The following PTGFRN variants were observed in gnomAD, a reference collection of about 807,000 sequenced individuals.
PTGFRN encodes prostaglandin F2 receptor negative regulator.
PTGFRN carries 35 observed loss-of-function variants against 83.2 expected under a neutral mutation model. The observed-to-expected ratio is 0.42, with a 90% CI of 0.32 to 0.56. PTGFRN has a LOEUF of 0.56. Ranked by LOEUF, PTGFRN falls within the 20% of genes least tolerant of loss-of-function variation. The pLI is 0.11. For missense variants in PTGFRN, 1,051 were observed against 1,179.5 expected, an observed-to-expected ratio of 0.89 and a Z score of 1.60; for synonymous variants, 519 against 498.6, an observed-to-expected ratio of 1.04 and a Z score of -0.55.
At chr1:116,955,270 G>A (rs999765499) in intron 4 of PTGFRN, among the ~76,000 whole-genome samples, 1 of 152,190 alleles carries the variant, frequency 6.6e-6, no homozygotes, top group African/African-American at 2.4e-5. Flanking sequence ...TTCTCAGAAC[G>A]TTAGTGATGC....
intron 1 of PTGFRN, among the ~76,000 whole-genome samples, chr1:116,912,476 G>C (rs1649297375): frequency 6.6e-6 from 1 of 152,142 alleles, no homozygotes; most frequent in South Asian, 2.1e-4. Flanking sequence ...TGGTATCGCT[G>C]CTCTTTTTGA....
chr1:116,938,811 G>A (rs1480985701), intron 1 of PTGFRN, among the ~76,000 whole-genome samples: 1 of 152,230 alleles, frequency 6.6e-6, no homozygotes, highest in Non-Finnish European at 1.5e-5. Context: ...AAAATAAAAA[G>A]TAGGTTAGTT....
At chr1:116,949,657 G>A in intron 4 of PTGFRN, 85 bp downstream of exon 4, 1 of 1,506,544 alleles carries the variant, frequency 6.6e-7, no homozygotes, top group African/African-American at 1.4e-5. Context: ...AGGAGGCTCT[G>A]CGCTTTGCAT....
chr1:116,926,304 G>C (rs939018161), intron 1 of PTGFRN, among the ~76,000 whole-genome samples: 1 of 152,234 alleles, frequency 6.6e-6, no homozygotes, highest in Non-Finnish European at 1.5e-5. Flanking sequence ...TGTTCACACA[G>C]AACTTGGCAG....
intron 4 of PTGFRN, among the ~76,000 whole-genome samples, chr1:116,957,968 ATAG>A (rs1247095340): frequency 6.6e-6 from 1 of 151,872 alleles, no homozygotes; most frequent in Non-Finnish European, 1.5e-5. Flanking sequence ...TTATGGCTGA[ATAG>A]TAGTCTATTG....
intron 1 of PTGFRN, among the ~76,000 whole-genome samples, chr1:116,931,804 G>A (rs1649810141): frequency 6.6e-6 from 1 of 152,066 alleles, no homozygotes; most frequent in African/African-American, 2.4e-5. Flanking sequence ...TTCATTTCTA[G>A]CTCATATGTG....
chr1:116,920,577 T>C (rs1649511776), intron 1 of PTGFRN, among the ~76,000 whole-genome samples: 1 of 152,172 alleles, frequency 6.6e-6, no homozygotes, highest in Non-Finnish European at 1.5e-5. Context: ...GTATAAATAT[T>C]GCTACTACTT....
At chr1:116,949,683 T>C in intron 4 of PTGFRN, 111 bp downstream of exon 4, 1 of 1,418,466 alleles carries the variant, frequency 7.0e-7, no homozygotes, top group Non-Finnish European at 9.4e-7. Context: ...CGACATTATT[T>C]CTATTGGTTC....
Position 116,942,093 on chromosome 1 carries a change from T to C in PTGFRN, c.418+10T>C. 6.3e-7 allele frequency: 1 copy of C among 1,597,886 alleles called. No individual in the cohort carries two copies. The highest frequency in any genetic ancestry group is 8.6e-7 in the Non-Finnish European group (1 of 1,168,930). ...ACAGTGCAGGTTAAAGGTACAGTCC[T>C]CACATGGGCTTGTTATGCCAGGGGC... is the stretch of plus-strand genomic sequence containing the variant. On this transcript the variant is annotated intron_variant, in intron 2 of 8. Coordinates refer to ENST00000393203, the MANE Select transcript of PTGFRN (RefSeq NM_020440.4).
chr1:116,940,144 G>A (rs1570654876), intron 1 of PTGFRN, among the ~76,000 whole-genome samples: 2 of 152,202 alleles, frequency 1.3e-5, no homozygotes, highest in South Asian at 4.1e-4. Flanking sequence ...TAGAGCTGCC[G>A]CAACAAAGTA....
Position 116,910,085 on chromosome 1 carries a change from C to T in PTGFRN, c.-119C>T, listed in dbSNP as rs965500357. ...TTATCGGCTCGCGAGGAGAGCGGAG[C>T]AGGCGCGCGGCCCAGGCGGAGGAGC... On this transcript the variant is annotated 5_prime_UTR_variant, in exon 1 of 9. Coordinates refer to ENST00000393203, the MANE Select transcript of PTGFRN (RefSeq NM_020440.4). 1.1e-5 allele frequency: 12 copies of T among 1,106,172 alleles called. No individual in the cohort carries two copies. Among genetic ancestry groups the T allele is most frequent in the South Asian group, 8.0e-5 (6 of 75,122 alleles). 68.5% of individuals were successfully genotyped at this position (1,106,172 alleles called of 1,614,324 possible).
chr1:116,939,090 C>T (rs1351072962), intron 1 of PTGFRN, among the ~76,000 whole-genome samples: 3 of 152,234 alleles, frequency 2.0e-5, no homozygotes, highest in African/African-American at 7.2e-5. Flanking sequence ...CTTTCACAGG[C>T]TGGCATTGAG....
At chr1:116,947,483 C>T (rs1650230995) in intron 3 of PTGFRN, among the ~76,000 whole-genome samples, 1 of 152,198 alleles carries the variant, frequency 6.6e-6, no homozygotes, top group Non-Finnish European at 1.5e-5. Context: ...ATGTGTGGGA[C>T]CTCTGGTTAG....
At chr1:116,934,980 C>T (rs1024279154) in intron 1 of PTGFRN, among the ~76,000 whole-genome samples, 3 of 152,182 alleles carry the variant, frequency 2.0e-5, no homozygotes, top group Non-Finnish European at 4.4e-5. Context: ...TGTTTACCAC[C>T]TTCCTTTGTG....
intron 1 of PTGFRN, among the ~76,000 whole-genome samples, chr1:116,937,531 A>G (rs1279752290): frequency 6.6e-6 from 1 of 152,186 alleles, no homozygotes; most frequent in South Asian, 2.1e-4. Context: ...TAAAGACTTG[A>G]TCAGTGAAGG....
chr1:116,966,735 G>A (rs954084627), intron 5 of PTGFRN, among the ~76,000 whole-genome samples, 176 bp from the exon 6 acceptor site: 3 of 152,202 alleles, frequency 2.0e-5, no homozygotes, highest in African/African-American at 7.2e-5. Context: ...CAATGGGGTG[G>A]TTTTAGCCTG....
intron 1 of PTGFRN, among the ~76,000 whole-genome samples, chr1:116,911,146 T>TA (rs1000406472): frequency 6.6e-6 from 1 of 152,080 alleles, no homozygotes; most frequent in Admixed American, 6.5e-5. Context: ...ATATGTTTAT[T>TA]AAGTGCCCAC....
chr1:116,942,067 C>T lies in PTGFRN; in HGVS notation c.402C>T (p.Asp134=), dbSNP rs1214299170. 1 of 1,613,482 alleles carries T rather than the reference C, an allele frequency of 6.2e-7. No homozygotes were observed. The highest frequency in any genetic ancestry group is 8.5e-7 in the Non-Finnish European group (1 of 1,179,556). ...TDATVQGNYE[D]TVQVKVLADS... The stretch of plus-strand genomic sequence containing the variant: ...CCACTGTCCAGGGAAACTATGAGGA[C>T]ACAGTGCAGGTTAAAGGTACAGTCC... The change falls in exon 2 of 9, where the codon GAC becomes GAT. Residue 134 remains aspartate, a synonymous_variant. Coordinates refer to ENST00000393203, the MANE Select transcript of PTGFRN (RefSeq NM_020440.4).
chr1:116,968,828 T>C (rs1650911823), intron 6 of PTGFRN, among the ~76,000 whole-genome samples: 1 of 152,208 alleles, frequency 6.6e-6, no homozygotes. Flanking sequence ...ACTTGCTTTT[T>C]TTCACTTAGC....
Sources: allele counts gnomAD v4.1 joint callset (sites outside exome capture counted in the v4.1 genomes callset), GRCh38; gene constraint gnomAD v4.1.1; transcripts MANE v1.5; gene names NCBI Gene and HGNC (gene_info 2026-07-23, HGNC 2026-07-21).